Variants in TMEM150C observed in about 807,000 individuals in gnomAD.
TMEM150C encodes the protein tentonin 3.
A neutral mutation model predicts 29.9 loss-of-function variants in TMEM150C; 10 were observed. That is an observed-to-expected ratio of 0.33 (90% CI 0.21 to 0.57). The LOEUF (loss-of-function observed/expected upper bound fraction) is 0.57, where lower values mean the gene tolerates loss of function less well. Among genes scored for constraint, TMEM150C ranks in the 20% least tolerant of loss-of-function variants. The pLI is 0.88. For missense variants in TMEM150C, 251 were observed against 303.6 expected (o/e 0.83, Z 1.29); for synonymous variants, 101 against 112.5 (o/e 0.90, Z 0.64).
intron 1 of TMEM150C, among the ~76,000 whole-genome samples, chr4:82,529,576 C>T (rs560673122): frequency 1.1e-4 from 16 of 152,278 alleles, no homozygotes; most frequent in Admixed American, 9.2e-4. Flanking sequence ...GTATGAGCCA[C>T]TATGCCCACC....
At chr4:82,531,325 C>CT (rs1475478415) in intron 1 of TMEM150C, among the ~76,000 whole-genome samples, 1 of 152,122 alleles carries the variant, frequency 6.6e-6, no homozygotes, top group Non-Finnish European at 1.5e-5. Context: ...GTTTGGAAGT[C>CT]AGCTGCATAG....
chr4:82,523,340 C>T (rs571921580), intron 1 of TMEM150C, among the ~76,000 whole-genome samples: 3 of 152,202 alleles, frequency 2.0e-5, no homozygotes, highest in African/African-American at 7.2e-5. Flanking sequence ...GCATAGGGCT[C>T]AGGGGATTGG....
intron 1 of TMEM150C, among the ~76,000 whole-genome samples, chr4:82,522,256 C>G (rs1405971276): frequency 1.3e-5 from 2 of 152,078 alleles, no homozygotes; most frequent in Non-Finnish European, 2.9e-5. Context: ...GTTATCTCAC[C>G]AAAATCCACA....
intron 7 of TMEM150C, among the ~76,000 whole-genome samples, chr4:82,485,995 T>C (rs1309274516): frequency 2.6e-5 from 4 of 152,204 alleles, no homozygotes; most frequent in African/African-American, 9.7e-5. Flanking sequence ...TTCTCATTTT[T>C]ACATGTTCTA....
intron 1 of TMEM150C, among the ~76,000 whole-genome samples, chr4:82,554,582 G>A (rs1373915939): frequency 6.6e-6 from 1 of 152,106 alleles, no homozygotes; most frequent in African/African-American, 2.4e-5. Context: ...GTCATCATAA[G>A]TGTAAAAAAA....
intron 1 of TMEM150C, among the ~76,000 whole-genome samples, chr4:82,552,504 A>G (rs1205396304): frequency 6.6e-6 from 1 of 152,082 alleles, no homozygotes; most frequent in Non-Finnish European, 1.5e-5. Context: ...ACTGGCCTTC[A>G]TGTGTCCATT....
In TMEM150C at chr4:82,485,313, G is replaced by A. The variant is rs1338798003; in HGVS notation, c.*198C>T. On this transcript the variant is annotated 3_prime_UTR_variant, in exon 8 of 8. Coordinates refer to ENST00000449862, the MANE Select transcript of TMEM150C (RefSeq NM_001080506.3). Reference sequence around the variant, plus strand: ...GCATATATTTTCAGTGTAACAGCGTGTATTTCGACACATAAGGGCTTGTGC... The same window carrying A: ...GCATATATTTTCAGTGTAACAGCGTATATTTCGACACATAAGGGCTTGTGC... 3 of 578,182 alleles carry A rather than the reference G, an allele frequency of 5.2e-6. No homozygotes were observed. Among genetic ancestry groups the A allele is most frequent in the Non-Finnish European group, 9.3e-6 (3 of 323,218 alleles). 35.8% of individuals were successfully genotyped at this position (578,182 alleles called of 1,614,324 possible). A position where few individuals can be genotyped will look rare whatever the true frequency, so the allele number is the denominator to read the frequency against.
chr4:82,535,716 G>A (rs1560495276), intron 1 of TMEM150C, among the ~76,000 whole-genome samples: 1 of 152,244 alleles, frequency 6.6e-6, no homozygotes, highest in Non-Finnish European at 1.5e-5. Context: ...ACTCTTTGTA[G>A]TAGGTTCTAG....
At chr4:82,556,778 AT>A (rs1297232190) in intron 1 of TMEM150C, among the ~76,000 whole-genome samples, 3 of 152,240 alleles carry the variant, frequency 2.0e-5, no homozygotes, top group African/African-American at 4.8e-5. Context: ...CCAAAAAAAA[AT>A]AATAAAAAAG....
At chr4:82,497,945 T>G (rs184532624) in intron 5 of TMEM150C, among the ~76,000 whole-genome samples, 2 of 152,138 alleles carry the variant, frequency 1.3e-5, no homozygotes, top group African/African-American at 4.8e-5. Context: ...ACACAGGCAC[T>G]ACAGGATATC....
chr4:82,490,133 T>C lies in TMEM150C; in HGVS notation c.469A>G (p.Lys157Glu). The C allele has an allele frequency of 6.2e-7, 1 of 1,614,046 alleles. No homozygotes were observed. Among genetic ancestry groups the C allele is most frequent in the Non-Finnish European group, 8.5e-7 (1 of 1,179,888 alleles). The change falls in exon 7 of 8, where the codon AAG (lysine) becomes GAG (glutamate). Residue 157 changes from lysine (K) to glutamate (E), a missense_variant. Coordinates refer to ENST00000449862, the MANE Select transcript of TMEM150C (RefSeq NM_001080506.3). ...ATTCCAACTCTCCGTCCTTCATTCTTGATGTTGACCTTGAGTGTCAGCGCA... is the reference window on the plus strand; with the variant it reads ...ATTCCAACTCTCCGTCCTTCATTCTCGATGTTGACCTTGAGTGTCAGCGCA... ...QAALTLKVNI[K>E]NEGRRVGIPR...
chr4:82,503,718 T>C (rs1181003220), intron 2 of TMEM150C, among the ~76,000 whole-genome samples: 5 of 151,718 alleles, frequency 3.3e-5, no homozygotes, highest in Admixed American at 1.3e-4. Context: ...GGTGTGGTGG[T>C]GGGCGCCTGT....
At chr4:82,540,076 C>G (rs1019907748) in intron 1 of TMEM150C, among the ~76,000 whole-genome samples, 2 of 147,270 alleles carry the variant, frequency 1.4e-5, no homozygotes, top group Admixed American at 6.9e-5. Flanking sequence ...GGTGTCTAAG[C>G]CCAAATAAGT....
intron 1 of TMEM150C, among the ~76,000 whole-genome samples, chr4:82,532,637 T>C (rs1043548552): frequency 6.6e-6 from 1 of 152,150 alleles, no homozygotes; most frequent in Non-Finnish European, 1.5e-5. Context: ...CATACATCTA[T>C]AATTGTATAT....
chr4:82,534,427 A>G (rs1440499961), intron 1 of TMEM150C, among the ~76,000 whole-genome samples: 1 of 152,224 alleles, frequency 6.6e-6, no homozygotes. Flanking sequence ...GTACTTGCAA[A>G]AATAATTAGA....
At chr4:82,495,011 A>G in intron 6 of TMEM150C, 2 of 923,640 alleles carry the variant, frequency 2.2e-6, no homozygotes, top group Non-Finnish European at 3.3e-6. Context: ...TCTTCAGAGC[A>G]ATAGGCTGCT....
At chr4:82,550,312 C>T (rs183933969) in intron 1 of TMEM150C, among the ~76,000 whole-genome samples, 44 of 152,246 alleles carry the variant, frequency 2.9e-4, no homozygotes, top group Non-Finnish European at 5.3e-4. Context: ...CCCCTTCTGC[C>T]ATGATTTTAA....
Position 82,559,320 on chromosome 4 carries a change from G to A in TMEM150C, c.-11+2586C>T, listed in dbSNP as rs1386714174. Among the ~76,000 whole-genome samples the A allele has an allele frequency of 2.6e-5, 4 of 151,984 alleles. No individual in the cohort carries two copies. The East Asian group carries it at 7.7e-4, about 29-fold the overall frequency. On this transcript the variant is annotated intron_variant, in intron 1 of 7. Coordinates refer to ENST00000449862, the MANE Select transcript of TMEM150C (RefSeq NM_001080506.3). ...AGCACTTTGGGAGGCCGAGGCGGGTGGCTCAATTGAGGTCAAGAATTCAAG... is the reference window on the plus strand; with the variant it reads ...AGCACTTTGGGAGGCCGAGGCGGGTAGCTCAATTGAGGTCAAGAATTCAAG...
At position 82,502,765 on chromosome 4, in the gene TMEM150C, C is replaced by G. The variant is rs1296416816; in HGVS notation, c.197G>C (p.Cys66Ser). 1 of 1,609,138 alleles carries G rather than the reference C, an allele frequency of 6.2e-7. No individual in the cohort carries two copies. Among genetic ancestry groups the G allele is most frequent in the Non-Finnish European group, 8.5e-7 (1 of 1,177,606 alleles). The change falls in exon 5 of 8, where the codon TGT (cysteine) becomes TCT (serine). Residue 66 changes from cysteine to serine, a missense_variant. Cys to Ser is a moderately radical substitution (Grantham distance 112). Coordinates refer to ENST00000449862, the MANE Select transcript of TMEM150C (RefSeq NM_001080506.3). The part of the protein sequence containing the change: ...SIAGDDPPAS[C>S]VFSQVMNMAA... Reference sequence around the variant, plus strand: ...CATGTTCATAACTTGACTAAACACACAGCTTGCAGGAGGATCATCACCTGC... The same window carrying G: ...CATGTTCATAACTTGACTAAACACAGAGCTTGCAGGAGGATCATCACCTGC...
Sources: gnomAD v4.1 joint callset for allele counts (sites outside exome capture counted in the v4.1 genomes callset) on GRCh38, gnomAD v4.1.1 for gene constraint, MANE v1.5 for transcripts, NCBI Gene and HGNC (gene_info 2026-07-23, HGNC 2026-07-21) for gene names.